Variants in SPEGNB observed in about 807,000 individuals in gnomAD.
SPEGNB encodes SPEG neighbor protein.
Under a neutral mutation model 18.3 loss-of-function variants are expected in SPEGNB, and 12 were observed. The ratio of observed to expected loss-of-function variants is 0.65; its 90% CI spans 0.42 to 1.06. SPEGNB has a LOEUF of 1.06. Among genes scored for constraint, SPEGNB ranks in the 50% least tolerant of loss-of-function variants. SPEGNB has a pLI of 0.00. For synonymous variants in SPEGNB, 113 were observed against 138.8 expected, an observed-to-expected ratio of 0.81 and a Z score of 1.31; for missense variants, 273 against 329.3, an observed-to-expected ratio of 0.83 and a Z score of 1.32.
In SPEGNB at chr2:219,498,233, G is replaced by C. The variant is rs879079986; in HGVS notation, c.*44G>C. On this transcript the variant is annotated 3_prime_UTR_variant, in exon 5 of 5. Coordinates refer to ENST00000651166, the MANE Select transcript of SPEGNB (RefSeq NM_001286811.2). ...CCGCCCTGGCGCCGAGCCCGGGGGTGGTGGGACCCACAGCCCTCCACCAGC... is the reference window on the plus strand; with the variant it reads ...CCGCCCTGGCGCCGAGCCCGGGGGTCGTGGGACCCACAGCCCTCCACCAGC... 10 of 1,286,962 alleles carry C rather than the reference G, an allele frequency of 7.8e-6. No homozygotes were observed. In the South Asian group the frequency reaches 8.9e-5, roughly 11 times the overall value. 79.7% of individuals were successfully genotyped at this position (1,286,962 alleles called of 1,614,324 possible).
chr2:219,497,129 C>G lies in SPEGNB; in HGVS notation c.436+13C>G, dbSNP rs187583571. The stretch of plus-strand genomic sequence containing the variant: ...ATCCTCGTGGAAGGTACGCGCGCCC[C>G]GGGCGCAGCGCCAGGGCGCAGACCA... On this transcript the variant is annotated intron_variant, in intron 3 of 4. Coordinates refer to ENST00000651166, the MANE Select transcript of SPEGNB (RefSeq NM_001286811.2). The G allele has an allele frequency of 2.1e-4, 246 of 1,185,534 alleles. 2 individuals are homozygous for G. The East Asian group carries it at 0.012, about 56-fold the overall frequency. 73.4% of individuals were successfully genotyped at this position (1,185,534 alleles called of 1,614,324 possible). A position where few individuals can be genotyped will look rare whatever the true frequency, so the allele number is the denominator to read the frequency against.
intron 3 of SPEGNB, among the ~76,000 whole-genome samples, chr2:219,497,384 C>T (rs1259896709): frequency 6.6e-6 from 1 of 152,212 alleles, no homozygotes; most frequent in East Asian, 1.9e-4. Context: ...AAGCCAGAGG[C>T]AGAGCCAGGG....
intron 3 of SPEGNB, chr2:219,497,511 T>TC: frequency 1.9e-6 from 1 of 521,460 alleles, no homozygotes; most frequent in Non-Finnish European, 3.0e-6. Context: ...TCTCTCTTGA[T>TC]CCTCTATTCG....
chr2:219,498,099 G>A lies in SPEGNB; in HGVS notation c.627G>A (p.Arg209=). 1.5e-6 allele frequency: 2 copies of A among 1,304,256 alleles called. No homozygotes were observed. The highest frequency in any genetic ancestry group is 2.0e-6 in the Non-Finnish European group (2 of 988,952). 80.8% of individuals were successfully genotyped at this position (1,304,256 alleles called of 1,614,324 possible). The change falls in exon 5 of 5, where the codon CGG becomes CGA. Residue 209 remains arginine, a synonymous_variant. Transcript: ENST00000651166. ...GSTTTTLTIR[R]ATPQDSGKYE... is the part of the protein sequence containing the mutation. ...CCACCACGACGCTGACCATTCGCCG[G>A]GCCACGCCTCAGGACAGCGGCAAGT...
At chr2:219,496,254 A>G (rs1694223145) in intron 1 of SPEGNB, 37 bp downstream of exon 1, 1 of 1,059,814 alleles carries the variant, frequency 9.4e-7, no homozygotes, top group Non-Finnish European at 1.2e-6. Context: ...AGACACCCCC[A>G]TTCCTCCATC....
intron 2 of SPEGNB, 124 bp from the exon 3 acceptor site, chr2:219,496,685 T>C (rs1346400116): frequency 2.9e-6 from 3 of 1,026,488 alleles, no homozygotes; most frequent in Non-Finnish European, 2.5e-6. Flanking sequence ...TCCTCTTCCC[T>C]ACCAAGCCAC....
chr2:219,496,472 C>G lies in SPEGNB; in HGVS notation c.118C>G (p.Arg40Gly). 2 of 1,263,302 alleles carry G rather than the reference C, an allele frequency of 1.6e-6. No homozygotes were observed. The highest frequency in any genetic ancestry group is 2.1e-6 in the Non-Finnish European group (2 of 959,912). 78.3% of individuals were successfully genotyped at this position (1,263,302 alleles called of 1,614,324 possible). Residue 40 changes from arginine to glycine, a missense_variant, in exon 2 of 5, where the codon CGG (arginine) becomes GGG (glycine). Transcript: ENST00000651166. ...SAAIRIQASY[R>G]GHRSRKELRE... ...GGCCATTCGTATCCAGGCCTCTTAC[C>G]GGGGCCACAGGTGAGAGGGAACCCC...
chr2:219,496,951 G>C lies in SPEGNB; in HGVS notation c.271G>C (p.Gly91Arg), dbSNP rs997088180. The change falls in exon 3 of 5, where the codon GGC (glycine) becomes CGC (arginine). Residue 91 changes from glycine (G) to arginine (R), a missense_variant. Physicochemically the swap from Gly to Arg is moderately radical, Grantham distance 125. Coordinates refer to ENST00000651166, the MANE Select transcript of SPEGNB (RefSeq NM_001286811.2). ...PDPFIRWSKD[G>R]KELRDGPKYR... ...CCCATTCATCCGCTGGAGTAAGGAC[G>C]GCAAGGAGCTACGTGACGGTCCCAA... The C allele has an allele frequency of 7.7e-7, 1 of 1,303,344 alleles. No homozygotes were observed. The highest frequency in any genetic ancestry group is 1.0e-6 in the Non-Finnish European group (1 of 988,006). The allele number at this position is 1,303,344 out of a possible 1,614,324, so 80.7% of individuals were successfully genotyped here. A position where few individuals can be genotyped will look rare whatever the true frequency, so the allele number is the denominator to read the frequency against.
At chr2:219,497,944 C>A in intron 4 of SPEGNB, 83 bp downstream of exon 4, 1 of 1,281,542 alleles carries the variant, frequency 7.8e-7, no homozygotes, top group South Asian at 1.3e-5. Context: ...GCTGGAGTGA[C>A]GGGGGCGGGG....
intron 3 of SPEGNB, among the ~76,000 whole-genome samples, 180 bp downstream of exon 3, chr2:219,497,296 G>A (rs1694247261): frequency 6.6e-6 from 1 of 152,190 alleles, no homozygotes; most frequent in Non-Finnish European, 1.5e-5. Context: ...TCCCTACCTC[G>A]GGATCCAGCT....
Position 219,496,856 on chromosome 2 carries a change from C to A in SPEGNB, c.176C>A (p.Pro59Gln), listed in dbSNP as rs1314393437. The A allele has an allele frequency of 1.6e-6, 2 of 1,265,860 alleles. No homozygotes were observed. The highest frequency in any genetic ancestry group is 2.1e-6 in the Non-Finnish European group (2 of 963,624). The allele number at this position is 1,265,860 out of a possible 1,614,324, so 78.4% of individuals were successfully genotyped here. The change falls in exon 3 of 5, where the codon CCG (proline) becomes CAG (glutamine). Residue 59 changes from proline (P) to glutamine (Q), a missense_variant. Transcript: ENST00000651166. ...AAGGGGCCGCCGCGGGTGCTGGAGCCGCTGAAGGACGTGGTGCTGATCGAA... is the reference window on the plus strand; with the variant it reads ...AAGGGGCCGCCGCGGGTGCTGGAGCAGCTGAAGGACGTGGTGCTGATCGAA... ...REKGPPRVLEPLKDVVLIEGS... is the reference protein window; with the variant it reads ...REKGPPRVLEQLKDVVLIEGS...
chr2:219,498,068 G>A lies in SPEGNB; in HGVS notation c.596G>A (p.Gly199Asp). The change falls in exon 5 of 5, where the codon GGC (glycine) becomes GAC (aspartate). Residue 199 changes from glycine (G) to aspartate (D), a missense_variant. Physicochemically the swap from Gly to Asp is moderately conservative, Grantham distance 94. Coordinates refer to ENST00000651166, the MANE Select transcript of SPEGNB (RefSeq NM_001286811.2). ...TTCCGCAGGGTGTTCTTCGAGATCG[G>A]CAGCACCACCACGACGCTGACCATT... Reference protein sequence around the residue: ...EEDDRVFFEIGSTTTTLTIRR... With the variant: ...EEDDRVFFEIDSTTTTLTIRR... 3 of 1,303,220 alleles carry A rather than the reference G, an allele frequency of 2.3e-6. No homozygotes were observed. Among genetic ancestry groups the A allele is most frequent in the Non-Finnish European group, 3.0e-6 (3 of 988,462 alleles). The allele number at this position is 1,303,220 out of a possible 1,614,324, so 80.7% of individuals were successfully genotyped here.
At position 219,498,210 on chromosome 2, in the gene SPEGNB, G is replaced by C. The variant is rs115066217; in HGVS notation, c.*21G>C. 6.1e-3 allele frequency: 7,861 copies of C among 1,295,272 alleles called. 52 individuals are homozygous for C. Among genetic ancestry groups the C allele is most frequent in the African/African-American group, 0.03 (1,950 of 65,634 alleles). The allele number at this position is 1,295,272 out of a possible 1,614,324, so 80.2% of individuals were successfully genotyped here. Reference sequence around the variant, plus strand: ...CCTGAACGGCACCCCCGGACCTTCCGCCCTGGCGCCGAGCCCGGGGGTGGT... The same window carrying C: ...CCTGAACGGCACCCCCGGACCTTCCCCCCTGGCGCCGAGCCCGGGGGTGGT... On this transcript the variant is annotated 3_prime_UTR_variant, in exon 5 of 5. Transcript: ENST00000651166.
Position 219,497,884 on chromosome 2 carries a change from C to T in SPEGNB, c.578+23C>T, listed in dbSNP as rs77707765. The T allele has an allele frequency of 5.6e-3, 7,237 of 1,302,514 alleles. 335 individuals carry two copies. In the African/African-American group the frequency reaches 0.095, roughly 17 times the overall value. 80.7% of individuals were successfully genotyped at this position (1,302,514 alleles called of 1,614,324 possible). ...CAGGCGAGGGCCGGGACCTGCGGCA[C>T]GGCCAGGGCCTGGGGCTGGAACCTG... On this transcript the variant is annotated intron_variant, in intron 4 of 4. Transcript: ENST00000651166.
intron 2 of SPEGNB, 83 bp from the exon 3 acceptor site, chr2:219,496,726 A>G: frequency 8.8e-7 from 1 of 1,140,444 alleles, no homozygotes; most frequent in Non-Finnish European, 1.1e-6. Flanking sequence ...TCCAGGGGGC[A>G]GGTAGGAGAT....
chr2:219,496,803 G>A lies in SPEGNB; in HGVS notation c.129-6G>A. 8.1e-7 allele frequency: 1 copy of A among 1,229,164 alleles called. No individual in the cohort carries two copies. The highest frequency in any genetic ancestry group is 1.1e-6 in the Non-Finnish European group (1 of 946,618). 76.1% of individuals were successfully genotyped at this position (1,229,164 alleles called of 1,614,324 possible). On this transcript the variant is annotated splice_polypyrimidine_tract_variant and splice_region_variant and intron_variant, in intron 2 of 4. Coordinates refer to ENST00000651166, the MANE Select transcript of SPEGNB (RefSeq NM_001286811.2). Reference sequence around the variant, plus strand: ...AACTCTGGGCCCTGACTCGGCCCGCGGGTAGGTCCCGGAAGGAGCTGCGCG... The same window carrying A: ...AACTCTGGGCCCTGACTCGGCCCGCAGGTAGGTCCCGGAAGGAGCTGCGCG...
At position 219,497,763 on chromosome 2, in the gene SPEGNB, C is replaced by G; in HGVS notation, c.480C>G (p.Arg160=). Residue 160 remains arginine (R), a synonymous_variant, in exon 4 of 5, where the codon CGC becomes CGG. Coordinates refer to ENST00000651166, the MANE Select transcript of SPEGNB (RefSeq NM_001286811.2). ...IQKGPDNTKA[R]KGTTVTLTAE... The stretch of plus-strand genomic sequence containing the variant: ...AGGGACCCGACAACACTAAGGCGCG[C>G]AAAGGCACCACCGTGACGCTGACTG... 1 of 1,304,346 alleles carries G rather than the reference C, an allele frequency of 7.7e-7. No homozygotes were observed. The highest frequency in any genetic ancestry group is 1.0e-6 in the Non-Finnish European group (1 of 988,982). 80.8% of individuals were successfully genotyped at this position (1,304,346 alleles called of 1,614,324 possible). A position where few individuals can be genotyped will look rare whatever the true frequency, so the allele number is the denominator to read the frequency against.
rs997088180 is a variant in SPEGNB at position 219,496,951 on chromosome 2, G to A, written c.271G>A (p.Gly91Ser). ...PDPFIRWSKDGKELRDGPKYR... is the reference protein window; with the variant it reads ...PDPFIRWSKDSKELRDGPKYR... Reference sequence around the variant, plus strand: ...CCCATTCATCCGCTGGAGTAAGGACGGCAAGGAGCTACGTGACGGTCCCAA... The same window carrying A: ...CCCATTCATCCGCTGGAGTAAGGACAGCAAGGAGCTACGTGACGGTCCCAA... The change falls in exon 3 of 5, where the codon GGC (glycine) becomes AGC (serine). Residue 91 changes from glycine (G) to serine (S), a missense_variant. Transcript: ENST00000651166. 7.7e-7 allele frequency: 1 copy of A among 1,303,344 alleles called. No homozygotes were observed. Among genetic ancestry groups the A allele is most frequent in the African/African-American group, 1.5e-5 (1 of 65,854 alleles). 80.7% of individuals were successfully genotyped at this position (1,303,344 alleles called of 1,614,324 possible).
Position 219,498,129 on chromosome 2 carries a change from G to A in SPEGNB, c.657G>A (p.Glu219=), listed in dbSNP as rs574837880. The A allele has an allele frequency of 7.7e-7, 1 of 1,304,208 alleles. No individual in the cohort carries two copies. The highest frequency in any genetic ancestry group is 1.0e-6 in the Non-Finnish European group (1 of 988,976). The allele number at this position is 1,304,208 out of a possible 1,614,324, so 80.8% of individuals were successfully genotyped here. The change falls in exon 5 of 5, where the codon GAG becomes GAA. Residue 219 remains glutamate, a synonymous_variant. Transcript: ENST00000651166. ...CGCCTCAGGACAGCGGCAAGTACGA[G>A]GTGTACGTGGAGAACAGCCTGGGCA... ...RATPQDSGKY[E]VYVENSLGMD...
Sources: allele counts gnomAD v4.1 joint callset (sites outside exome capture counted in the v4.1 genomes callset), GRCh38; gene constraint gnomAD v4.1.1; transcripts MANE v1.5; gene names NCBI Gene and HGNC (gene_info 2026-07-23, HGNC 2026-07-21).